The following SPTB variants were observed in gnomAD, a reference collection of about 807,000 sequenced individuals.
The protein encoded by SPTB is spectrin beta chain, erythrocytic.
SPTB carries 45 observed loss-of-function variants against 256.2 expected under a neutral mutation model. The ratio of observed to expected loss-of-function variants is 0.18; its 90% confidence interval spans 0.14 to 0.23. The LOEUF is 0.23. Among genes scored for constraint, SPTB ranks in the 10% least tolerant of loss-of-function variants. SPTB has a pLI of 1.00. For synonymous variants in SPTB, 1,231 were observed against 1,243.1 expected (o/e 0.99, Z 0.21); for missense variants, 2,715 against 3,040.4 (o/e 0.89, Z 2.52).
intron 1 of SPTB, among the ~76,000 whole-genome samples, chr14:64,854,181 G>A (rs2083832582): frequency 6.7e-6 from 1 of 150,208 alleles, no homozygotes; most frequent in Non-Finnish European, 1.5e-5. Context: ...GACAGAGTGA[G>A]ACTCCGCCTC....
intron 32 of SPTB, 169 bp from the exon 33 acceptor site, chr14:64,753,962 T>A: frequency 1.2e-6 from 1 of 828,786 alleles, no homozygotes; most frequent in Non-Finnish European, 2.0e-6. Flanking sequence ...CTGCTATGGG[T>A]GCCCCCTTGC....
rs12892540 is a variant in SPTB at position 64,772,114 on chromosome 14, G to C, written c.5553+466C>G. Among the ~76,000 whole-genome samples the C allele has an allele frequency of 0.054, 8,290 of 152,250 alleles. 349 individuals carry two copies. Among genetic ancestry groups the C allele is most frequent in the African/African-American group, 0.12 (4,804 of 41,530 alleles). On this transcript the variant is annotated intron_variant, in intron 26 of 35. Transcript: ENST00000644917. This position sits in a 1 kb window ranked among gnomAD's most constrained non-coding sequence, Gnocchi z 5.4. The stretch of plus-strand genomic sequence containing the variant: ...GCTAAGTATGTGGGGTCTATAGCTA[G>C]ACTGCCAGGGTCTGAGCCCTGGCTC...
At chr14:64,828,677 C>G (rs1353069575) in intron 1 of SPTB, among the ~76,000 whole-genome samples, 1 of 152,204 alleles carries the variant, frequency 6.6e-6, no homozygotes, top group Non-Finnish European at 1.5e-5. Context: ...CTCCTCTTAT[C>G]TCTCTCAACT....
chr14:64,876,230 C>T (rs1014449032), intron 1 of SPTB, among the ~76,000 whole-genome samples: 15 of 152,158 alleles, frequency 9.9e-5, no homozygotes, highest in African/African-American at 3.4e-4. Flanking sequence ...CAACCTCTAC[C>T]GCCCAGGTTC....
chr14:64,879,299 C>A (rs1268608902), intron 1 of SPTB, among the ~76,000 whole-genome samples: 1 of 152,200 alleles, frequency 6.6e-6, no homozygotes, highest in East Asian at 1.9e-4. Flanking sequence ...TGCCTGGGCG[C>A]TGGGTGGCCC....
chr14:64,859,240 C>T (rs544220834), intron 1 of SPTB, among the ~76,000 whole-genome samples: 7 of 152,110 alleles, frequency 4.6e-5, no homozygotes, highest in South Asian at 4.2e-4. Flanking sequence ...GGCGACAGAG[C>T]GAGACTCCGT....
At chr14:64,871,661 AAATGCTTGC>A (rs1326334290) in intron 1 of SPTB, among the ~76,000 whole-genome samples, 1 of 152,224 alleles carries the variant, frequency 6.6e-6, no homozygotes, top group Non-Finnish European at 1.5e-5. Flanking sequence ...GTATCAGGCC[AAATGCTTGC>A]ACATGAATGG....
At chr14:64,761,876 C>T (rs12885036) in intron 32 of SPTB, among the ~76,000 whole-genome samples, 7,409 of 152,172 alleles carry the variant, frequency 0.049, 278 homozygotes, top group African/African-American at 0.099. Flanking sequence ...GTGGTCACAT[C>T]GTCCACTTCA....
intron 2 of SPTB, among the ~76,000 whole-genome samples, chr14:64,819,553 C>A (rs764793043): frequency 1.3e-5 from 2 of 151,660 alleles, no homozygotes; most frequent in African/African-American, 4.9e-5. Context: ...GAGAGAGAGA[C>A]CTGCATGGCA....
rs748973588 is a variant in SPTB at position 64,794,470 on chromosome 14, T to G, written c.1792A>C (p.Lys598Gln). The change falls in exon 13 of 36, where the codon AAA (lysine) becomes CAA (glutamine). Residue 598 changes from lysine to glutamine, a missense_variant. Physicochemically the swap from Lys to Gln is moderately conservative, Grantham distance 53. Transcript: ENST00000644917. ...GGGGAGACAGACTTGGTCTCACCTT[T>G]CCCCTCGGTGAACTTCAGGGTGGCT... The part of the protein sequence containing the change: ...TAATLKFTEG[K>Q]GYQPCDPQVI... 2.5e-6 allele frequency: 4 copies of G among 1,614,024 alleles called. No homozygotes were observed.
intron 2 of SPTB, among the ~76,000 whole-genome samples, chr14:64,809,228 C>G (rs1251061134): frequency 9.0e-5 from 12 of 133,660 alleles, no homozygotes; most frequent in Non-Finnish European, 1.2e-4. Flanking sequence ...CACCATTGTA[C>G]TCCAGCCTGG....
chr14:64,818,419 G>C (rs1276668535), intron 2 of SPTB, among the ~76,000 whole-genome samples: 1 of 152,202 alleles, frequency 6.6e-6, no homozygotes, highest in Non-Finnish European at 1.5e-5. Flanking sequence ...AGGGAGGGGA[G>C]GGAAGAGAGA....
At position 64,782,247 on chromosome 14, in the gene SPTB, C is replaced by G. The variant is rs546109164; in HGVS notation, c.4266+43G>C. The G allele has an allele frequency of 3.7e-5, 60 of 1,613,964 alleles. No homozygotes were observed. In the African/African-American group the frequency reaches 6.5e-4, roughly 18 times the overall value. On this transcript the variant is annotated intron_variant, in intron 20 of 35. Transcript: ENST00000644917. ...AAGGTGTCAGACTGGCTTCCACTAT[C>G]CCTTCTATCCTAACACTCTGAGTCT...
Position 64,799,833 on chromosome 14 carries a change from G to A in SPTB, c.978C>T (p.Asn326=), listed in dbSNP as rs754533184. Residue 326 remains asparagine (N), a synonymous_variant, in exon 9 of 36, where the codon AAC becomes AAT. Coordinates refer to ENST00000644917, the MANE Select transcript of SPTB (RefSeq NM_001355436.2). ...TCAGCGAGTTGGCAAACTTGCGGCT[G>A]TTCAGGACAGTGATGGTCTGCTCGA... The part of the protein sequence containing the change: ...TWIEQTITVL[N]SRKFANSLTG... The A allele has an allele frequency of 1.7e-5, 27 of 1,614,142 alleles. No individual in the cohort carries two copies. In the South Asian group the frequency reaches 2.9e-4, roughly 17 times the overall value.
At chr14:64,810,529 A>C (rs1211176031) in intron 2 of SPTB, among the ~76,000 whole-genome samples, 2 of 152,128 alleles carry the variant, frequency 1.3e-5, no homozygotes, top group Non-Finnish European at 2.9e-5. Context: ...AAAATATAAA[A>C]ATTAGCCGGG....
chr14:64,843,905 G>C (rs555397563), intron 1 of SPTB, among the ~76,000 whole-genome samples: 1 of 152,270 alleles, frequency 6.6e-6, no homozygotes, highest in African/African-American at 2.4e-5. Context: ...ACCACCACCA[G>C]CCTCCCATCC....
At chr14:64,818,673 C>T (rs1383403766) in intron 2 of SPTB, among the ~76,000 whole-genome samples, 1 of 152,080 alleles carries the variant, frequency 6.6e-6, no homozygotes, top group African/African-American at 2.4e-5. Context: ...CTGCAGCCTG[C>T]AGTGTTTCAT....
At chr14:64,842,534 T>C (rs1273799908) in intron 1 of SPTB, among the ~76,000 whole-genome samples, 1 of 152,188 alleles carries the variant, frequency 6.6e-6, no homozygotes, top group African/African-American at 2.4e-5. Flanking sequence ...TCTTCATCTG[T>C]AAGATGAAGT....
chr14:64,850,048 A>G (rs988373392), intron 1 of SPTB, among the ~76,000 whole-genome samples: 5 of 152,320 alleles, frequency 3.3e-5, no homozygotes, highest in African/African-American at 1.2e-4. Flanking sequence ...CCACATTTTT[A>G]AGGACTGTAA....
Sources: allele counts gnomAD v4.1 joint callset (sites outside exome capture counted in the v4.1 genomes callset), GRCh38; gene constraint gnomAD v4.1.1; non-coding constraint Gnocchi (gnomAD v3.1); transcripts MANE v1.5; gene names NCBI Gene and HGNC (gene_info 2026-07-23, HGNC 2026-07-21).